The following ACTR3B variants were observed in gnomAD, a reference collection of about 807,000 sequenced individuals.
ACTR3B encodes the protein actin-related protein 3B.
ACTR3B carries 8 observed loss-of-function variants against 59.0 expected under a neutral mutation model. That is an observed-to-expected ratio of 0.14 (90% CI 0.08 to 0.24). The LOEUF (loss-of-function observed/expected upper bound fraction) is 0.24. Among genes scored for constraint, ACTR3B ranks in the 10% least tolerant of loss-of-function variants. The pLI, the probability that ACTR3B is intolerant of heterozygous loss-of-function variation, is 1.00. For synonymous variants in ACTR3B, 148 were observed against 197.9 expected (o/e 0.75, Z 2.12); for missense variants, 245 against 552.3 (o/e 0.44, Z 5.58).
chr7:152,816,510 A>G lies in ACTR3B; in HGVS notation c.462A>G (p.Thr154=), dbSNP rs1178324101. ...QAVLALAASW[T]SRQVGERTLT... is the part of the protein sequence containing the mutation. ...TGCTGGCCTTGGCGGCATCTTGGACATCTCGACAAGTGGGTGAACGTACGT... is the reference window on the plus strand; with the variant it reads ...TGCTGGCCTTGGCGGCATCTTGGACGTCTCGACAAGTGGGTGAACGTACGT... The change falls in exon 6 of 12, where the codon ACA becomes ACG. Residue 154 remains threonine, a synonymous_variant. Transcript: ENST00000256001. 1.2e-6 allele frequency: 2 copies of G among 1,603,566 alleles called. No homozygotes were observed. Among genetic ancestry groups the G allele is most frequent in the Non-Finnish European group, 1.7e-6 (2 of 1,174,334 alleles).
intron 9 of ACTR3B, among the ~76,000 whole-genome samples, chr7:152,842,637 G>A (rs951577394): frequency 2.6e-5 from 4 of 152,182 alleles, no homozygotes; most frequent in African/African-American, 7.2e-5. Context: ...TCTTTCTGCT[G>A]GGAGAGCCTC....
chr7:152,769,356 T>C (rs2098118737), intron 1 of ACTR3B, among the ~76,000 whole-genome samples: 1 of 152,206 alleles, frequency 6.6e-6, no homozygotes, highest in South Asian at 2.1e-4. Context: ...TCAAGTAGCC[T>C]TCTAATTGTT....
chr7:152,854,826 T>A lies in ACTR3B; in HGVS notation c.*273T>A. Reference sequence around the variant, plus strand: ...CCGAGCTGCTAGCTGACAAATACAATTCTGAAGGAATCCAAATGTGACTTT... The same window carrying A: ...CCGAGCTGCTAGCTGACAAATACAAATCTGAAGGAATCCAAATGTGACTTT... On this transcript the variant is annotated 3_prime_UTR_variant, in exon 12 of 12. Coordinates refer to ENST00000256001, the MANE Select transcript of ACTR3B (RefSeq NM_020445.6). The surrounding 1 kb of genome is among the most constrained non-coding windows in gnomAD (Gnocchi z 4.9). 2.7e-6 allele frequency: 1 copy of A among 370,508 alleles called. No individual in the cohort carries two copies. The highest frequency in any genetic ancestry group is 4.9e-6 in the Non-Finnish European group (1 of 204,290). The allele number at this position is 370,508 out of a possible 1,614,324, so 23.0% of individuals were successfully genotyped here.
Position 152,854,711 on chromosome 7 carries a change from T to A in ACTR3B, c.*158T>A. ...ATGAGGCGCGGCGCGGGCCCTTCAG[T>A]AAAAGCCATTTATCCGTGTGCCGAC... On this transcript the variant is annotated 3_prime_UTR_variant, in exon 12 of 12. Coordinates refer to ENST00000256001, the MANE Select transcript of ACTR3B (RefSeq NM_020445.6). This position sits in a 1 kb window ranked among gnomAD's most constrained non-coding sequence, Gnocchi z 4.9. 2 of 677,302 alleles carry A rather than the reference T, an allele frequency of 3.0e-6. No homozygotes were observed. Among genetic ancestry groups the A allele is most frequent in the Non-Finnish European group, 2.5e-6 (1 of 401,074 alleles). 42.0% of individuals were successfully genotyped at this position (677,302 alleles called of 1,614,324 possible). A position where few individuals can be genotyped will look rare whatever the true frequency, so the allele number is the denominator to read the frequency against.
chr7:152,764,371 TGTAGTCCCAGCACTTTGG>T (rs1453609223), intron 1 of ACTR3B, among the ~76,000 whole-genome samples: 1 of 152,066 alleles, frequency 6.6e-6, no homozygotes, highest in East Asian at 1.9e-4. Context: ...GGCTCACACC[TGTAGTCCCAGCACTTTGG>T]GAGGCCGAGG....
intron 9 of ACTR3B, among the ~76,000 whole-genome samples, chr7:152,833,321 A>G (rs2116919008): frequency 6.6e-6 from 1 of 152,378 alleles, no homozygotes; most frequent in African/African-American, 2.4e-5. Context: ...GTTGGGTATC[A>G]TAACAGCCCG....
intron 1 of ACTR3B, among the ~76,000 whole-genome samples, chr7:152,779,830 A>C (rs943988623): frequency 2.0e-5 from 3 of 152,210 alleles, no homozygotes; most frequent in African/African-American, 7.2e-5. Context: ...TTAAAATTTT[A>C]AATTTGAATG....
intron 9 of ACTR3B, among the ~76,000 whole-genome samples, chr7:152,831,963 G>T (rs1183212818): frequency 6.6e-6 from 1 of 152,184 alleles, no homozygotes; most frequent in Admixed American, 6.5e-5. Context: ...CTGCAGGAGT[G>T]TAATGTGACC....
At chr7:152,810,426 T>TTG (rs1554442358) in intron 4 of ACTR3B, among the ~76,000 whole-genome samples, 5,553 of 115,346 alleles carry the variant, frequency 0.048, 120 homozygotes, top group South Asian at 0.075. Context: ...TTTTTTTTTT[T>TTG]TTGTTGTTGT....
At chr7:152,812,278 G>C (rs1210084190) in intron 4 of ACTR3B, 5 of 96,198 alleles carry the variant, frequency 5.2e-5, no homozygotes, top group African/African-American at 1.4e-4. Context: ...TGATCCGCCC[G>C]CCTCGGCCTC....
rs545755568 is a variant in ACTR3B at position 152,836,522 on chromosome 7, G to C, written c.951+11400G>C. On this transcript the variant is annotated intron_variant, in intron 9 of 11. Transcript: ENST00000256001. ...GGATCCCTTGAGCCCAGAAGGTCGA[G>C]GCTGCAGTGAGCTGTGATTGCACCA... Among the ~76,000 whole-genome samples, 207 of 152,110 alleles carry C rather than the reference G, an allele frequency of 1.4e-3. 1 individual carries two copies. The highest frequency in any genetic ancestry group is 4.8e-3 in the African/African-American group (201 of 41,498).
intron 4 of ACTR3B, among the ~76,000 whole-genome samples, chr7:152,807,351 C>T (rs1348609113): frequency 6.6e-6 from 1 of 151,780 alleles, no homozygotes; most frequent in Non-Finnish European, 1.5e-5. Flanking sequence ...ATATTATACT[C>T]CTCATTTCCT....
chr7:152,761,352 T>G (rs2117091425), intron 1 of ACTR3B, among the ~76,000 whole-genome samples: 1 of 152,306 alleles, frequency 6.6e-6, no homozygotes, highest in South Asian at 2.1e-4. Flanking sequence ...GTGAAAGTAT[T>G]TTTCATTTCC....
intron 5 of ACTR3B, among the ~76,000 whole-genome samples, chr7:152,815,468 G>A (rs28614040): frequency 0.79 from 120,375 of 152,108 alleles, 47,794 homozygotes; most frequent in East Asian, 0.87. Flanking sequence ...GGTGGTTCTC[G>A]AAGTGGTCTG....
chr7:152,765,109 C>CTTT (rs71182039), intron 1 of ACTR3B, among the ~76,000 whole-genome samples: 37 of 66,280 alleles, frequency 5.6e-4, no homozygotes, highest in African/African-American at 1.6e-3. Context: ...TACCCTGGCC[C>CTTT]TTTTTTTTTT....
chr7:152,841,516 A>G (rs560213601), intron 9 of ACTR3B, among the ~76,000 whole-genome samples: 1 of 152,250 alleles, frequency 6.6e-6, no homozygotes, highest in South Asian at 2.1e-4. Flanking sequence ...ACTGGTTCAC[A>G]TGAGAATTTC....
intron 1 of ACTR3B, among the ~76,000 whole-genome samples, chr7:152,770,598 C>T (rs529792456): frequency 1.6e-4 from 24 of 151,992 alleles, no homozygotes; most frequent in Admixed American, 9.2e-4. Context: ...CCCTTAAACC[C>T]GCCTGTCCTC....
chr7:152,760,565 T>C (rs532642338), intron 1 of ACTR3B, among the ~76,000 whole-genome samples: 3 of 152,330 alleles, frequency 2.0e-5, no homozygotes, highest in Admixed American at 2.0e-4. Flanking sequence ...AGCTGTCCCT[T>C]TGGTTTGCAT....
intron 9 of ACTR3B, among the ~76,000 whole-genome samples, chr7:152,833,910 G>T (rs188849425): frequency 3.7e-4 from 57 of 152,072 alleles, no homozygotes; most frequent in African/African-American, 1.2e-3. Flanking sequence ...GAATTCAGTC[G>T]ATATAGTGAA....
Sources: gnomAD v4.1 joint callset for allele counts (sites outside exome capture counted in the v4.1 genomes callset) on GRCh38, gnomAD v4.1.1 for gene constraint, Gnocchi (gnomAD v3.1) non-coding constraint, MANE v1.5 for transcripts, NCBI Gene and HGNC (gene_info 2026-07-23, HGNC 2026-07-21) for gene names.